PTPRK: variants seen among roughly 807,000 people sequenced by gnomAD.
PTPRK encodes the protein protein tyrosine phosphatase receptor type K.
A neutral mutation model predicts 178.0 loss-of-function variants in PTPRK; 75 were observed. The observed-to-expected ratio is 0.42, with a 90% CI of 0.35 to 0.51. PTPRK has a LOEUF of 0.51. PTPRK is among the 20% of genes least tolerant of loss of function. The pLI is 0.02. For missense variants in PTPRK, 1,441 were observed against 1,797.8 expected, an observed-to-expected ratio of 0.80 and a Z score of 3.59; for synonymous variants, 637 against 620.6, an observed-to-expected ratio of 1.03 and a Z score of -0.39.
chr6:128,479,541 G>C (rs1851790344), intron 1 of PTPRK, among the ~76,000 whole-genome samples: 1 of 152,120 alleles, frequency 6.6e-6, no homozygotes, highest in Non-Finnish European at 1.5e-5. Context: ...AACAGATTGG[G>C]AGGGGGTACA....
chr6:128,082,445 T>C lies in PTPRK; in HGVS notation c.1769A>G (p.Asn590Ser). The change falls in exon 10 of 30, where the codon AAT becomes AGT. Residue 590 changes from asparagine to serine, a missense_variant. Coordinates refer to ENST00000368226, the MANE Select transcript of PTPRK (RefSeq NM_002844.4). ...GPATAINVTT[N>S]ISAPTLPDYE... is the part of the protein sequence containing the mutation. ...TTTATTCATTTGCATACCTGAGATA[T>C]TGGTGGTGACATTGATGGCTGTGGC... The C allele has an allele frequency of 6.2e-7, 1 of 1,604,430 alleles. No homozygotes were observed. Among genetic ancestry groups the C allele is most frequent in the Non-Finnish European group, 8.5e-7 (1 of 1,171,304 alleles).
intron 15 of PTPRK, chr6:128,000,317 A>G (rs778781321): frequency 7.7e-7 from 1 of 1,300,262 alleles, no homozygotes; most frequent in Admixed American, 2.4e-5. Flanking sequence ...CCCCATGATA[A>G]ACATTTTTTC....
intron 14 of PTPRK, among the ~76,000 whole-genome samples, chr6:128,008,734 A>C (rs1778714161): frequency 6.6e-6 from 1 of 151,160 alleles, no homozygotes; most frequent in Non-Finnish European, 1.5e-5. Flanking sequence ...TTTGTAGCCA[A>C]GAAGTAGAAA....
intron 1 of PTPRK, among the ~76,000 whole-genome samples, chr6:128,493,591 TACACACACACACACACAC>T (rs59656384): frequency 0.02 from 2,423 of 124,018 alleles, 75 homozygotes; most frequent in African/African-American, 0.058. Context: ...TCCCGCCCCC[TACACACACACACACACAC>T]ACACACACAC....
chr6:128,179,666 T>C (rs778841250), intron 7 of PTPRK, among the ~76,000 whole-genome samples: 2 of 151,826 alleles, frequency 1.3e-5, no homozygotes, highest in Non-Finnish European at 2.9e-5. Flanking sequence ...CTTAGAAGAG[T>C]TGTTTATTTT....
chr6:128,036,562 A>G (rs2114818066), intron 13 of PTPRK, among the ~76,000 whole-genome samples: 1 of 152,356 alleles, frequency 6.6e-6, no homozygotes, highest in Middle Eastern at 3.4e-3. Flanking sequence ...TCATATTTCC[A>G]TTCTTCAGTC....
At chr6:128,515,711 C>T (rs1424909248) in intron 1 of PTPRK, among the ~76,000 whole-genome samples, 1 of 150,470 alleles carries the variant, frequency 6.6e-6, no homozygotes, top group East Asian at 1.9e-4. Context: ...CGTGCACACA[C>T]ACAGAATCCC....
intron 6 of PTPRK, among the ~76,000 whole-genome samples, chr6:128,205,408 C>T (rs191160394): frequency 6.6e-6 from 1 of 151,778 alleles, no homozygotes; most frequent in African/African-American, 2.4e-5. Flanking sequence ...GCACATGTAC[C>T]CCTGAACTTA....
rs544611100 is a variant in PTPRK, at chr6:128,187,681, C to T, written c.869-2956G>A. Among the ~76,000 whole-genome samples, 17 of 152,236 alleles carry T rather than the reference C, an allele frequency of 1.1e-4. 1 individual carries two copies. In the East Asian group the frequency reaches 3.1e-3, roughly 28 times the overall value. On this transcript the variant is annotated intron_variant, in intron 6 of 29. Coordinates refer to ENST00000368226, the MANE Select transcript of PTPRK (RefSeq NM_002844.4). ...TCAGAAGGGTAGTAGTTCACTCTGGCCAGTTTTACATCTCACTTTCCATGG... is the reference window on the plus strand; with the variant it reads ...TCAGAAGGGTAGTAGTTCACTCTGGTCAGTTTTACATCTCACTTTCCATGG...
intron 11 of PTPRK, among the ~76,000 whole-genome samples, chr6:128,070,988 C>G (rs1003924221): frequency 1.3e-5 from 2 of 151,248 alleles, no homozygotes; most frequent in African/African-American, 4.9e-5. Flanking sequence ...CTGAAAAATC[C>G]CGAGCATTAT....
At chr6:128,312,317 T>C (rs1036624041) in intron 3 of PTPRK, among the ~76,000 whole-genome samples, 1 of 152,302 alleles carries the variant, frequency 6.6e-6, no homozygotes, top group East Asian at 1.9e-4. Context: ...ATGGCTGGCT[T>C]TGAAGAAAAA....
chr6:128,456,223 A>G (rs1848375145), intron 1 of PTPRK, among the ~76,000 whole-genome samples: 1 of 152,062 alleles, frequency 6.6e-6, no homozygotes, highest in African/African-American at 2.4e-5. Context: ...AAACAGACTT[A>G]AATTACCCAC....
intron 1 of PTPRK, among the ~76,000 whole-genome samples, chr6:128,486,779 A>T (rs1213072568): frequency 1.3e-5 from 2 of 151,928 alleles, no homozygotes; most frequent in Non-Finnish European, 2.9e-5. Flanking sequence ...TCCTGTAGAA[A>T]GAAAGAAAGA....
At chr6:128,299,939 T>G (rs1825272361) in intron 3 of PTPRK, among the ~76,000 whole-genome samples, 2 of 151,920 alleles carry the variant, frequency 1.3e-5, no homozygotes, top group South Asian at 4.2e-4. Context: ...ACAGGCAACC[T>G]ACAAAATGGG....
intron 1 of PTPRK, among the ~76,000 whole-genome samples, chr6:128,469,146 G>T (rs1850280216): frequency 1.3e-5 from 2 of 152,106 alleles, no homozygotes; most frequent in East Asian, 3.9e-4. Flanking sequence ...TGAAGAAACA[G>T]AAATGACTAC....
intron 1 of PTPRK, among the ~76,000 whole-genome samples, chr6:128,482,145 C>T (rs1198944283): frequency 2.6e-5 from 4 of 152,188 alleles, no homozygotes; most frequent in South Asian, 2.1e-4. Flanking sequence ...TTGACTCTGC[C>T]GGCCCTAATG....
At chr6:128,356,124 T>C (rs768354544) in intron 2 of PTPRK, among the ~76,000 whole-genome samples, 1 of 152,028 alleles carries the variant, frequency 6.6e-6, no homozygotes, top group Non-Finnish European at 1.5e-5. Context: ...ATTTGCAAGG[T>C]CTCATTTCCT....
chr6:128,432,602 T>C (rs1420543806), intron 1 of PTPRK, among the ~76,000 whole-genome samples: 1 of 152,178 alleles, frequency 6.6e-6, no homozygotes, highest in Non-Finnish European at 1.5e-5. Context: ...GATAAAACTA[T>C]TTTAAGTGAG....
At chr6:128,067,207 A>C (rs1781941152) in intron 12 of PTPRK, among the ~76,000 whole-genome samples, 1 of 152,146 alleles carries the variant, frequency 6.6e-6, no homozygotes, top group Non-Finnish European at 1.5e-5. Flanking sequence ...ATCGTTACTG[A>C]GGGTGGAGTC....
Sources: gnomAD v4.1 joint callset for allele counts (sites outside exome capture counted in the v4.1 genomes callset) on GRCh38, gnomAD v4.1.1 for gene constraint, MANE v1.5 for transcripts, NCBI Gene and HGNC (gene_info 2026-07-23, HGNC 2026-07-21) for gene names.